The following SLC60A1 variants were observed in gnomAD, a reference collection of about 807,000 sequenced individuals.
SLC60A1 encodes the protein solute carrier family 60 member 1.
At chr1:205,592,385 ATT>A in the SLC60A1 span, 1 of 1,140,652 alleles carries the variant, frequency 8.8e-7, no homozygotes, top group South Asian at 1.9e-5. Flanking sequence ...TTTTTTTTTA[ATT>A]TTATTATTAT....
At chr1:205,591,899 T>A in the SLC60A1 span, 1 of 490,202 alleles carries the variant, frequency 2.0e-6, no homozygotes, top group South Asian at 2.3e-5. Flanking sequence ...TTAGGGGAGA[T>A]GTCTAGGTGG....
the SLC60A1 span, among the ~76,000 whole-genome samples, chr1:205,590,991 T>C: frequency 0.88 from 133,644 of 152,254 alleles, 58,693 homozygotes; most frequent in East Asian, 0.95. Flanking sequence ...CAGCTACTTC[T>C]GGGTTCCACA....
At chr1:205,573,248 TA>T in the SLC60A1 span, among the ~76,000 whole-genome samples, 86,991 of 149,718 alleles carry the variant, frequency 0.58, 25,677 homozygotes, top group East Asian at 0.97. Context: ...CCATCTCTAC[TA>T]AAAAAAAAAC....
chr1:205,590,865 C>T, the SLC60A1 span, among the ~76,000 whole-genome samples: 1 of 152,148 alleles, frequency 6.6e-6, no homozygotes, highest in Non-Finnish European at 1.5e-5. Flanking sequence ...TCATATTTGT[C>T]TGAAGCACCA....
chr1:205,598,957 A>C, the SLC60A1 span: 12 of 819,168 alleles, frequency 1.5e-5, no homozygotes, highest in African/African-American at 2.0e-4. Context: ...TTCTCCAGAC[A>C]CATCAACTTG....
the SLC60A1 span, among the ~76,000 whole-genome samples, chr1:205,582,874 G>A: frequency 6.6e-6 from 1 of 152,204 alleles, no homozygotes; most frequent in Admixed American, 6.5e-5. Flanking sequence ...AAATACTGGT[G>A]AGAGCCAGCC....
chr1:205,585,458 G>A, the SLC60A1 span, among the ~76,000 whole-genome samples: 1 of 152,172 alleles, frequency 6.6e-6, no homozygotes, highest in South Asian at 2.1e-4. This position sits in a 1 kb window ranked among gnomAD's most constrained non-coding sequence, Gnocchi z 4.2. Flanking sequence ...TGTTACATTA[G>A]TTAGCACCTT....
At chr1:205,596,025 G>A in the SLC60A1 span, among the ~76,000 whole-genome samples, 6 of 152,230 alleles carry the variant, frequency 3.9e-5, no homozygotes, top group African/African-American at 1.4e-4. Context: ...GGGTAGGGTG[G>A]GGCAGTGAAC....
the SLC60A1 span, among the ~76,000 whole-genome samples, chr1:205,596,676 G>A: frequency 8.6e-5 from 13 of 151,964 alleles, no homozygotes; most frequent in Non-Finnish European, 1.8e-4. Flanking sequence ...ACGGAGGGTG[G>A]AGGGGGAGAG....
chr1:205,569,056 C>A, the SLC60A1 span: 2 of 1,457,874 alleles, frequency 1.4e-6, no homozygotes, highest in South Asian at 1.3e-5. Context: ...TCCGCGAGCC[C>A]GTCAGCCTGC....
chr1:205,575,525 T>C, the SLC60A1 span, among the ~76,000 whole-genome samples: 6 of 152,122 alleles, frequency 3.9e-5, no homozygotes, highest in Non-Finnish European at 7.4e-5. Flanking sequence ...TCCCTCCTCT[T>C]TTCACAGAAC....
At chr1:205,588,267 C>T in the SLC60A1 span, among the ~76,000 whole-genome samples, 4 of 151,824 alleles carry the variant, frequency 2.6e-5, no homozygotes, top group Non-Finnish European at 5.9e-5. Context: ...GTCAGGAGTT[C>T]GAGACCAGCC....
the SLC60A1 span, among the ~76,000 whole-genome samples, chr1:205,569,474 G>GCCTCCCTC: frequency 6.7e-3 from 929 of 138,138 alleles, 7 homozygotes; most frequent in African/African-American, 0.021. Context: ...CCGAAGAGCT[G>GCCTCCCTC]CCTCCCTCCC....
the SLC60A1 span, chr1:205,585,115 G>A: frequency 4.4e-4 from 332 of 753,704 alleles, 2 homozygotes; most frequent in Admixed American, 1.1e-3. This position sits in a 1 kb window ranked among gnomAD's most constrained non-coding sequence, Gnocchi z 4.2. Flanking sequence ...GAGTACACTT[G>A]ATTCAAAAAT....
the SLC60A1 span, chr1:205,584,229 T>G: frequency 7.5e-7 from 1 of 1,328,038 alleles, no homozygotes; most frequent in Middle Eastern, 2.0e-4. Flanking sequence ...TTTTTTTTTT[T>G]TTTTTTTTTG....
chr1:205,583,670 C>T, the SLC60A1 span, among the ~76,000 whole-genome samples: 3 of 152,230 alleles, frequency 2.0e-5, no homozygotes, highest in Non-Finnish European at 2.9e-5. Context: ...CAGCACCTCT[C>T]CTGGGCCAGC....
the SLC60A1 span, chr1:205,586,250 G>C: frequency 2.5e-6 from 4 of 1,607,258 alleles, no homozygotes; most frequent in South Asian, 4.4e-5. Context: ...AGAGACCCAG[G>C]AGAAGCCGCC....
the SLC60A1 span, among the ~76,000 whole-genome samples, chr1:205,591,772 G>A: frequency 2.4e-4 from 36 of 152,216 alleles, no homozygotes; most frequent in African/African-American, 8.7e-4. Context: ...CCCAGGGCTG[G>A]CAGGGCAGAG....
chr1:205,584,218 ATTTTTTTTT>A, the SLC60A1 span: 7 of 793,682 alleles, frequency 8.8e-6, no homozygotes, highest in East Asian at 1.6e-4. Flanking sequence ...ATCACAGGTG[ATTTTTTTTT>A]TTTTTTTTTT....
Sources: gnomAD v4.1 joint callset for allele counts (sites outside exome capture counted in the v4.1 genomes callset) on GRCh38, gnomAD v4.1.1 for gene constraint, Gnocchi (gnomAD v3.1) non-coding constraint, MANE v1.5 for transcripts, NCBI Gene and HGNC (gene_info 2026-07-23, HGNC 2026-07-21) for gene names.